FANCC: variants seen among roughly 807,000 people sequenced by gnomAD.
The protein encoded by FANCC is Fanconi anemia group C protein.
Under a neutral mutation model 71.3 loss-of-function variants are expected in FANCC, and 55 were observed. The ratio of observed to expected loss-of-function variants is 0.77; its 90% CI spans 0.62 to 0.97. The LOEUF is 0.97. FANCC is among the 50% of genes least tolerant of loss of function. FANCC has a pLI of 0.00. For synonymous variants in FANCC, 275 were observed against 244.9 expected (o/e 1.12, Z -1.15); for missense variants, 678 against 670.9 (o/e 1.01, Z -0.12).
Position 95,125,181 on chromosome 9 carries a change from C to T in FANCC, c.901G>A (p.Ala301Thr), listed in dbSNP as rs972738983. 1.2e-6 allele frequency: 2 copies of T among 1,613,412 alleles called. No individual in the cohort carries two copies. Among genetic ancestry groups the T allele is most frequent in the Admixed American group, 3.3e-5 (2 of 60,018 alleles). ...AGGGCCCCATCGGTTTCCAGGAGTG[C>T]ACACCTGAACAATGCAAAGTCAGAT... Reference protein sequence around the residue: ...FRVVDEMFRCALLETDGALEI... With the variant: ...FRVVDEMFRCTLLETDGALEI... The change falls in exon 10 of 15, where the codon GCA becomes ACA. Residue 301 changes from alanine (A) to threonine (T), a missense_variant. Physicochemically the swap from Ala to Thr is moderately conservative, Grantham distance 58 (BLOSUM62 0). Transcript: ENST00000289081.
intron 4 of FANCC, among the ~76,000 whole-genome samples, chr9:95,178,560 G>C (rs1009141448): frequency 2.6e-5 from 4 of 152,208 alleles, no homozygotes; most frequent in African/African-American, 9.7e-5. Flanking sequence ...TAAGGAACAC[G>C]ACCTCCATTC....
chr9:95,177,076 G>T (rs955909186), intron 4 of FANCC, among the ~76,000 whole-genome samples: 6 of 152,194 alleles, frequency 3.9e-5, no homozygotes, highest in Non-Finnish European at 7.3e-5. Context: ...TAGCAACTGG[G>T]ATACATTCTG....
intron 10 of FANCC, chr9:95,123,644 G>A (rs760516958): frequency 1.6e-6 from 1 of 619,454 alleles, no homozygotes; most frequent in Non-Finnish European, 3.1e-6. Context: ...ATTCATCATT[G>A]GAAACACAGT....
chr9:95,288,715 T>A (rs1317159413), intron 1 of FANCC, among the ~76,000 whole-genome samples: 1 of 152,104 alleles, frequency 6.6e-6, no homozygotes, highest in Non-Finnish European at 1.5e-5. Flanking sequence ...TGCTTCTATT[T>A]GATCACACAT....
chr9:95,111,031 A>G (rs946055967), intron 13 of FANCC: 38 of 1,445,368 alleles, frequency 2.6e-5, no homozygotes, highest in Non-Finnish European at 3.3e-5. Context: ...GAAAGGAGAC[A>G]GTCAAGATGG....
chr9:95,150,126 G>A, intron 6 of FANCC, 39 bp from the exon 7 acceptor site: 1 of 1,609,228 alleles, frequency 6.2e-7, no homozygotes, highest in Non-Finnish European at 8.5e-7. Flanking sequence ...AAATCTAAGA[G>A]CCATGCATAA....
At chr9:95,164,844 T>C (rs1830972814) in intron 6 of FANCC, among the ~76,000 whole-genome samples, 1 of 152,144 alleles carries the variant, frequency 6.6e-6, no homozygotes, top group Admixed American at 6.5e-5. Flanking sequence ...TTTGGAAGAC[T>C]TTAAGAAAGA....
intron 4 of FANCC, among the ~76,000 whole-genome samples, chr9:95,203,721 AAT>A (rs1411087095): frequency 6.6e-6 from 1 of 152,194 alleles, no homozygotes; most frequent in African/African-American, 2.4e-5. Flanking sequence ...TTTATGAAAA[AAT>A]ATGTTTTCCA....
chr9:95,256,017 A>T (rs1831635857), intron 1 of FANCC, among the ~76,000 whole-genome samples: 1 of 152,154 alleles, frequency 6.6e-6, no homozygotes, highest in Middle Eastern at 3.2e-3. Flanking sequence ...CTAAGCCTCC[A>T]AGAAATTCGG....
At chr9:95,104,733 CA>C (rs1485873439) in intron 14 of FANCC, among the ~76,000 whole-genome samples, 3 of 152,092 alleles carry the variant, frequency 2.0e-5, no homozygotes, top group Non-Finnish European at 2.9e-5. Context: ...GGGCTGGAGT[CA>C]CCAAACTCCC....
At chr9:95,272,680 G>A (rs1832810621) in intron 1 of FANCC, among the ~76,000 whole-genome samples, 1 of 152,168 alleles carries the variant, frequency 6.6e-6, no homozygotes, top group Non-Finnish European at 1.5e-5. Flanking sequence ...CTGGGTAACA[G>A]AGTAAGACTC....
At chr9:95,151,274 G>T (rs1830154464) in intron 6 of FANCC, among the ~76,000 whole-genome samples, 1 of 152,068 alleles carries the variant, frequency 6.6e-6, no homozygotes, top group African/African-American at 2.4e-5. Context: ...TCTATTCCTA[G>T]CACCTAGGGA....
chr9:95,289,630 G>C (rs1459162588), intron 1 of FANCC, among the ~76,000 whole-genome samples: 1 of 152,088 alleles, frequency 6.6e-6, no homozygotes, highest in Non-Finnish European at 1.5e-5. Context: ...ATTTGTTTTA[G>C]TTTTTAACCA....
chr9:95,263,910 C>T (rs1444286464), intron 1 of FANCC, among the ~76,000 whole-genome samples: 1 of 152,116 alleles, frequency 6.6e-6, no homozygotes, highest in Non-Finnish European at 1.5e-5. Flanking sequence ...TGAACTTCAA[C>T]AAAAGGTTTC....
At chr9:95,201,358 A>G (rs994320997) in intron 4 of FANCC, among the ~76,000 whole-genome samples, 1 of 152,174 alleles carries the variant, frequency 6.6e-6, no homozygotes, top group East Asian at 1.9e-4. Flanking sequence ...ACTGTGGCTA[A>G]CACCACACAA....
intron 7 of FANCC, among the ~76,000 whole-genome samples, chr9:95,141,244 C>T (rs140578430): frequency 7.6e-6 from 1 of 130,874 alleles, no homozygotes; most frequent in Non-Finnish European, 1.5e-5. Flanking sequence ...CCTGGGAGGT[C>T]GAGGCTACAG....
chr9:95,121,549 A>ATTGT (rs996462537), intron 10 of FANCC, among the ~76,000 whole-genome samples: 1 of 152,236 alleles, frequency 6.6e-6, no homozygotes, highest in East Asian at 1.9e-4. Context: ...CCAGAGCAAC[A>ATTGT]TTGTTTGTAA....
At chr9:95,242,805 T>C (rs1027010209) in intron 3 of FANCC, among the ~76,000 whole-genome samples, 3 of 152,202 alleles carry the variant, frequency 2.0e-5, no homozygotes, top group Non-Finnish European at 4.4e-5. Context: ...TGGACTGTTA[T>C]TCACAAGTGC....
chr9:95,181,149 C>T (rs1023729053), intron 4 of FANCC, among the ~76,000 whole-genome samples: 2 of 123,006 alleles, frequency 1.6e-5, no homozygotes, highest in African/African-American at 6.2e-5. Context: ...CACACACACA[C>T]ACGTACACAT....
Sources: gnomAD v4.1 joint callset for allele counts (sites outside exome capture counted in the v4.1 genomes callset) on GRCh38, gnomAD v4.1.1 for gene constraint, MANE v1.5 for transcripts, NCBI Gene and HGNC (gene_info 2026-07-23, HGNC 2026-07-21) for gene names.